Variants in ZFHX3 observed in about 807,000 individuals in gnomAD.
ZFHX3 encodes zinc finger homeobox protein 3.
In ZFHX3, 42 loss-of-function variants were observed where a neutral mutation model predicts 279.1. The ratio of observed to expected loss-of-function variants is 0.15; its 90% CI spans 0.12 to 0.19. The LOEUF (loss-of-function observed/expected upper bound fraction) is 0.19. Ranked by LOEUF, ZFHX3 falls within the 10% of genes least tolerant of loss-of-function variation. ZFHX3 has a pLI of 1.00. For missense variants in ZFHX3, 4,981 were observed against 4,754.0 expected (o/e 1.05, Z -1.40); for synonymous variants, 2,293 against 1,957.8 (o/e 1.17, Z -4.52).
intron 3 of ZFHX3, among the ~76,000 whole-genome samples, chr16:73,343,373 C>T (rs1212327792): frequency 2.0e-5 from 3 of 152,126 alleles, no homozygotes; most frequent in Non-Finnish European, 4.4e-5. Flanking sequence ...AATTCCAGCT[C>T]AGGTAAGTTA....
At chr16:73,244,258 C>G (rs755337492) in intron 5 of ZFHX3, among the ~76,000 whole-genome samples, 1 of 152,104 alleles carries the variant, frequency 6.6e-6, no homozygotes, top group Non-Finnish European at 1.5e-5. Flanking sequence ...GTCAGACACA[C>G]AGGCTTGACT....
At chr16:72,927,941 C>T (rs11075948) in intron 3 of ZFHX3, among the ~76,000 whole-genome samples, 44,385 of 149,372 alleles carry the variant, frequency 0.3, 6,981 homozygotes, top group African/African-American at 0.35. Flanking sequence ...GACTAAGACT[C>T]AGTAATTGTT....
intron 4 of ZFHX3, among the ~76,000 whole-genome samples, chr16:73,258,083 A>T (rs1156752314): frequency 2.0e-5 from 3 of 152,188 alleles, no homozygotes; most frequent in Admixed American, 6.5e-5. Flanking sequence ...ACTGGAGTAC[A>T]GTAGTAACTA....
At chr16:72,805,012 C>T (rs1415879185) in intron 7 of ZFHX3, among the ~76,000 whole-genome samples, 1 of 152,140 alleles carries the variant, frequency 6.6e-6, no homozygotes, top group Non-Finnish European at 1.5e-5. Context: ...GAGTTTCGCT[C>T]TGTTGCCCAG....
intron 7 of ZFHX3, among the ~76,000 whole-genome samples, chr16:73,130,219 C>A (rs1966653155): frequency 6.6e-6 from 1 of 151,870 alleles, no homozygotes; most frequent in African/African-American, 2.4e-5. Context: ...TCTAACCTAA[C>A]CCACGTAATT....
chr16:73,440,461 T>G (rs1268442600), intron 3 of ZFHX3, among the ~76,000 whole-genome samples: 2 of 152,152 alleles, frequency 1.3e-5, no homozygotes, highest in Non-Finnish European at 1.5e-5. Context: ...ATAGACCCAT[T>G]TGGCACCAAT....
intron 2 of ZFHX3, among the ~76,000 whole-genome samples, chr16:73,521,066 T>C (rs1489972896): frequency 1.3e-5 from 2 of 152,026 alleles, no homozygotes; most frequent in African/African-American, 4.8e-5. Flanking sequence ...AAGAACAAAA[T>C]CAAAACAAAT....
intron 1 of ZFHX3, among the ~76,000 whole-genome samples, chr16:72,979,564 T>C (rs961641159): frequency 6.6e-6 from 1 of 152,152 alleles, no homozygotes; most frequent in African/African-American, 2.4e-5. Context: ...CCAAAATCTC[T>C]CAGGAAGCTT....
intron 2 of ZFHX3, among the ~76,000 whole-genome samples, chr16:73,461,549 A>G (rs556114710): frequency 3.9e-4 from 60 of 152,240 alleles, no homozygotes; most frequent in African/African-American, 1.3e-3. Context: ...TCCACTTTGG[A>G]TTCATTTTCA....
At chr16:73,801,435 G>T (rs968053023) in intron 1 of ZFHX3, among the ~76,000 whole-genome samples, 1 of 152,164 alleles carries the variant, frequency 6.6e-6, no homozygotes, top group Non-Finnish European at 1.5e-5. Flanking sequence ...TCCTCTGATA[G>T]CTACTGGTCC....
At chr16:72,895,035 G>T (rs1401874427) in intron 3 of ZFHX3, among the ~76,000 whole-genome samples, 1 of 152,200 alleles carries the variant, frequency 6.6e-6, no homozygotes, top group African/African-American at 2.4e-5. Context: ...GCCAACCGGG[G>T]ACCCAAAGAA....
At chr16:73,706,244 T>C (rs988226611) in intron 1 of ZFHX3, among the ~76,000 whole-genome samples, 2 of 152,038 alleles carry the variant, frequency 1.3e-5, no homozygotes, top group African/African-American at 4.8e-5. Flanking sequence ...GTGGATCACC[T>C]GAGGTCAGGA....
chr16:72,955,164 C>T (rs896411484), intron 2 of ZFHX3, among the ~76,000 whole-genome samples: 2 of 152,210 alleles, frequency 1.3e-5, no homozygotes, highest in Admixed American at 6.5e-5. Context: ...ACCTTCTCAG[C>T]AGTTTTCGCG....
intron 4 of ZFHX3, among the ~76,000 whole-genome samples, chr16:72,886,745 TCAACA>T (rs1293018316): frequency 6.6e-6 from 1 of 152,086 alleles, no homozygotes; most frequent in East Asian, 1.9e-4. Context: ...GGGGAATGAC[TCAACA>T]GTGCACTAAT....
chr16:73,155,170 C>T (rs1597188522), intron 5 of ZFHX3, among the ~76,000 whole-genome samples: 2 of 113,714 alleles, frequency 1.8e-5, no homozygotes, highest in East Asian at 5.0e-4. Context: ...GAGACTCTGT[C>T]TCAAAAAAAC....
intron 1 of ZFHX3, among the ~76,000 whole-genome samples, chr16:73,886,397 T>A (rs1213900957): frequency 6.6e-6 from 1 of 152,188 alleles, no homozygotes; most frequent in Non-Finnish European, 1.5e-5. Context: ...GATCTGCAGT[T>A]ACCGTTTTTA....
At chr16:73,346,167 C>T (rs2016120224) in intron 3 of ZFHX3, among the ~76,000 whole-genome samples, 1 of 152,186 alleles carries the variant, frequency 6.6e-6, no homozygotes, top group South Asian at 2.1e-4. Flanking sequence ...CTCAATATCA[C>T]ATTCAGATGC....
intron 4 of ZFHX3, among the ~76,000 whole-genome samples, chr16:73,289,151 C>T (rs1567441056): frequency 6.6e-6 from 1 of 151,670 alleles, no homozygotes; most frequent in Non-Finnish European, 1.5e-5. Context: ...CCTCCAATCG[C>T]TGGCCTGTTC....
intron 3 of ZFHX3, among the ~76,000 whole-genome samples, chr16:73,370,712 A>C (rs577519349): frequency 6.6e-6 from 1 of 152,340 alleles, no homozygotes; most frequent in African/African-American, 2.4e-5. Context: ...TGCACAGCTC[A>C]GCATCCTGAT....
Sources: gnomAD v4.1 joint callset for allele counts (sites outside exome capture counted in the v4.1 genomes callset) on GRCh38, gnomAD v4.1.1 for gene constraint, MANE v1.5 for transcripts, NCBI Gene and HGNC (gene_info 2026-07-23, HGNC 2026-07-21) for gene names.